Variants in HS3ST5 observed in about 807,000 individuals in gnomAD.
HS3ST5 encodes heparan sulfate-glucosamine 3-sulfotransferase 5, also known as heparan sulfate glucosamine 3-O-sulfotransferase 5.
A neutral mutation model predicts 25.4 loss-of-function variants in HS3ST5; 10 were observed. The observed-to-expected ratio is 0.39, with a 90% CI of 0.24 to 0.67. HS3ST5 has a LOEUF of 0.67. Among genes scored for constraint, HS3ST5 ranks in the 30% least tolerant of loss-of-function variants. The probability of loss-of-function intolerance (pLI) is 0.44; values close to 1 mark genes in which losing one functional copy is unlikely to be tolerated. For missense variants in HS3ST5, 324 were observed against 420.7 expected (o/e 0.77, Z 2.01); for synonymous variants, 170 against 162.4 (o/e 1.05, Z -0.36).
intron 1 of HS3ST5, among the ~76,000 whole-genome samples, chr6:114,277,911 G>C (rs904656095): frequency 6.6e-6 from 1 of 151,912 alleles, no homozygotes; most frequent in African/African-American, 2.4e-5. Context: ...TTTTTACTCT[G>C]TCATTTTAAA....
At chr6:114,147,214 G>C (rs1262123657) in intron 3 of HS3ST5, among the ~76,000 whole-genome samples, 1 of 152,192 alleles carries the variant, frequency 6.6e-6, no homozygotes, top group East Asian at 1.9e-4. Flanking sequence ...CAAAGACTGA[G>C]TGGGATTTTG....
intron 3 of HS3ST5, among the ~76,000 whole-genome samples, chr6:114,165,055 T>C (rs1235784104): frequency 1.3e-5 from 2 of 152,172 alleles, no homozygotes; most frequent in African/African-American, 2.4e-5. Flanking sequence ...CTGGGGTGTT[T>C]CAGGGATGCT....
chr6:114,140,747 G>A (rs1742854918), intron 3 of HS3ST5, among the ~76,000 whole-genome samples: 1 of 152,324 alleles, frequency 6.6e-6, no homozygotes, highest in Non-Finnish European at 1.5e-5. Flanking sequence ...AGGGAGAAAC[G>A]TGACTGTTCT....
At chr6:114,305,519 A>G (rs1174208516) in intron 1 of HS3ST5, among the ~76,000 whole-genome samples, 1 of 152,122 alleles carries the variant, frequency 6.6e-6, no homozygotes, top group Non-Finnish European at 1.5e-5. Flanking sequence ...AAGGACCCAC[A>G]TGAACTTTTC....
At chr6:114,174,811 G>A (rs1412225577) in intron 2 of HS3ST5, among the ~76,000 whole-genome samples, 2 of 152,064 alleles carry the variant, frequency 1.3e-5, no homozygotes. Context: ...TGCCTAACAT[G>A]GTGAAACCCC....
intron 4 of HS3ST5, among the ~76,000 whole-genome samples, chr6:114,060,316 C>T (rs1421009896): frequency 6.6e-6 from 1 of 152,126 alleles, no homozygotes; most frequent in East Asian, 1.9e-4. Context: ...CTGGCCTAGA[C>T]AGCTTTTAAA....
chr6:114,137,176 T>C (rs1416779523), intron 3 of HS3ST5, among the ~76,000 whole-genome samples: 5 of 152,206 alleles, frequency 3.3e-5, no homozygotes, highest in Non-Finnish European at 5.9e-5. Flanking sequence ...GAATAGGTTA[T>C]CAGGAAAAGA....
chr6:114,156,938 T>A (rs554471606), intron 3 of HS3ST5, among the ~76,000 whole-genome samples: 52 of 152,354 alleles, frequency 3.4e-4, no homozygotes, highest in African/African-American at 1.2e-3. Flanking sequence ...CCAAGGATGC[T>A]GTAATTACCA....
At chr6:114,132,549 G>C (rs185613836) in intron 3 of HS3ST5, among the ~76,000 whole-genome samples, 1 of 152,178 alleles carries the variant, frequency 6.6e-6, no homozygotes, top group Non-Finnish European at 1.5e-5. Context: ...AGCATTTTCC[G>C]TACTGTTTAC....
intron 1 of HS3ST5, among the ~76,000 whole-genome samples, chr6:114,294,012 A>G (rs533142582): frequency 1.2e-4 from 19 of 152,340 alleles, no homozygotes; most frequent in African/African-American, 4.6e-4. Flanking sequence ...AGTTATGGAG[A>G]TATTTTAAAC....
At chr6:114,121,130 G>A (rs932887415) in intron 3 of HS3ST5, among the ~76,000 whole-genome samples, 3 of 152,298 alleles carry the variant, frequency 2.0e-5, no homozygotes, top group South Asian at 2.1e-4. Context: ...CTTATAAATC[G>A]GAATCCAGTC....
intron 2 of HS3ST5, among the ~76,000 whole-genome samples, chr6:114,224,697 TATACAC>T (rs1036292132): frequency 5.4e-4 from 78 of 145,686 alleles, no homozygotes; most frequent in Non-Finnish European, 8.6e-4. Flanking sequence ...CATATATATA[TATACAC>T]ACACACACAC....
At chr6:114,305,371 T>G (rs1775245859) in intron 1 of HS3ST5, among the ~76,000 whole-genome samples, 1 of 152,164 alleles carries the variant, frequency 6.6e-6, no homozygotes, top group African/African-American at 2.4e-5. Flanking sequence ...GTTGTTCTTT[T>G]GAAGTGACAG....
At chr6:114,152,064 G>C (rs1778474847) in intron 3 of HS3ST5, among the ~76,000 whole-genome samples, 1 of 151,988 alleles carries the variant, frequency 6.6e-6, no homozygotes, top group African/African-American at 2.4e-5. Flanking sequence ...CTGGGTAGCT[G>C]GGACTACAGG....
At chr6:114,249,971 A>G (rs1453988331) in intron 1 of HS3ST5, among the ~76,000 whole-genome samples, 2 of 152,204 alleles carry the variant, frequency 1.3e-5, no homozygotes, top group Non-Finnish European at 2.9e-5. Flanking sequence ...GTGCATTTGT[A>G]TCTATTTTCA....
rs911601692 is a variant in HS3ST5 at position 114,097,748 on chromosome 6, C to CT, written c.-32-34872dup. Among the ~76,000 whole-genome samples the CT allele has an allele frequency of 4.0e-5, 6 of 151,614 alleles. No individual in the cohort carries two copies. In the East Asian group the frequency reaches 7.7e-4, roughly 19 times the overall value. Reference sequence around the variant, plus strand: ...CTGAGCTCTACTTCCTTATTCTTTCCTTTTTTAAAAAAAATCAAAGTATAG... The same window carrying CT: ...CTGAGCTCTACTTCCTTATTCTTTCCTTTTTTTAAAAAAAATCAAAGTATAG... On this transcript the variant is annotated intron_variant, in intron 3 of 4. Coordinates refer to ENST00000312719, the MANE Select transcript of HS3ST5 (RefSeq NM_153612.4).
At chr6:114,155,662 G>C (rs1385856826) in intron 3 of HS3ST5, among the ~76,000 whole-genome samples, 1 of 152,122 alleles carries the variant, frequency 6.6e-6, no homozygotes, top group Non-Finnish European at 1.5e-5. Context: ...GTTCAAGAAG[G>C]AACCCATTAT....
At chr6:114,187,870 A>T (rs960847608) in intron 2 of HS3ST5, among the ~76,000 whole-genome samples, 2 of 152,210 alleles carry the variant, frequency 1.3e-5, no homozygotes, top group African/African-American at 4.8e-5. Flanking sequence ...AGACCTGACC[A>T]GTCAGCCATC....
chr6:114,263,197 A>G (rs1176006938), intron 1 of HS3ST5, among the ~76,000 whole-genome samples: 1 of 152,152 alleles, frequency 6.6e-6, no homozygotes, highest in Non-Finnish European at 1.5e-5. Context: ...AATAATTATT[A>G]AAATTAGCAT....
Sources: gnomAD v4.1 joint callset for allele counts (sites outside exome capture counted in the v4.1 genomes callset) on GRCh38, gnomAD v4.1.1 for gene constraint, MANE v1.5 for transcripts, NCBI Gene and HGNC (gene_info 2026-07-23, HGNC 2026-07-21) for gene names.